Variants in LRRTM4 observed in about 807,000 individuals in gnomAD.
LRRTM4 encodes leucine-rich repeat transmembrane neuronal protein 4.
LRRTM4 carries 25 observed loss-of-function variants against 47.6 expected under a neutral mutation model. The ratio of observed to expected loss-of-function variants is 0.53; its 90% CI spans 0.38 to 0.73. The LOEUF is 0.73. Ranked by LOEUF, LRRTM4 falls within the 30% of genes least tolerant of loss-of-function variation. LRRTM4 has a pLI of 0.00. For synonymous variants in LRRTM4, 311 were observed against 269.5 expected (o/e 1.15, Z -1.51); for missense variants, 638 against 713.4 (o/e 0.89, Z 1.20).
chr2:76,905,332 C>A (rs1040208875), intron 3 of LRRTM4, among the ~76,000 whole-genome samples: 1 of 152,114 alleles, frequency 6.6e-6, no homozygotes, highest in Non-Finnish European at 1.5e-5. Flanking sequence ...AGGACATCCA[C>A]ACCAAAATCC....
chr2:77,102,262 C>G (rs1670974466), intron 3 of LRRTM4, among the ~76,000 whole-genome samples: 1 of 152,214 alleles, frequency 6.6e-6, no homozygotes, highest in Admixed American at 6.5e-5. Flanking sequence ...CCACAGAAGT[C>G]TAAGCACCTC....
intron 3 of LRRTM4, among the ~76,000 whole-genome samples, chr2:77,494,363 T>C (rs551062329): frequency 6.6e-6 from 1 of 152,206 alleles, no homozygotes; most frequent in Admixed American, 6.6e-5. Context: ...ACCAACTCAT[T>C]GTGATGTTGC....
intron 3 of LRRTM4, among the ~76,000 whole-genome samples, chr2:76,888,567 T>C (rs1673151875): frequency 2.0e-5 from 3 of 151,732 alleles, no homozygotes; most frequent in Non-Finnish European, 1.5e-5. Context: ...CTAAACTTAC[T>C]TCAAGTAAAA....
At chr2:77,095,936 G>A (rs562044098) in intron 3 of LRRTM4, among the ~76,000 whole-genome samples, 23 of 152,280 alleles carry the variant, frequency 1.5e-4, no homozygotes, top group African/African-American at 5.5e-4. Flanking sequence ...ATAGGAATAA[G>A]TTTTATTAAT....
chr2:77,509,174 G>T (rs1442846979), intron 3 of LRRTM4, among the ~76,000 whole-genome samples: 2 of 150,598 alleles, frequency 1.3e-5, no homozygotes, highest in Non-Finnish European at 3.0e-5. Flanking sequence ...GGAGGTTGCA[G>T]TGAGCTGAGA....
chr2:77,166,501 A>T (rs1194388817), intron 3 of LRRTM4, among the ~76,000 whole-genome samples: 1 of 152,220 alleles, frequency 6.6e-6, no homozygotes, highest in East Asian at 1.9e-4. Context: ...TTGCCAAGAC[A>T]ATACTAAGCC....
intron 3 of LRRTM4, among the ~76,000 whole-genome samples, chr2:77,300,109 C>T (rs1460112068): frequency 1.3e-5 from 2 of 152,172 alleles, no homozygotes; most frequent in East Asian, 1.9e-4. Flanking sequence ...CTCGGCCTCC[C>T]AAAGTGCTGA....
chr2:77,283,149 C>A (rs929912549), intron 3 of LRRTM4, among the ~76,000 whole-genome samples: 8 of 151,882 alleles, frequency 5.3e-5, no homozygotes, highest in Non-Finnish European at 1.2e-4. Flanking sequence ...TCAAATAACC[C>A]CATTAAAAAT....
intron 3 of LRRTM4, among the ~76,000 whole-genome samples, chr2:77,472,945 C>G (rs1677248303): frequency 6.6e-6 from 1 of 152,126 alleles, no homozygotes; most frequent in South Asian, 2.1e-4. Flanking sequence ...AATCTCATAT[C>G]ACTTGTTATT....
intron 3 of LRRTM4, among the ~76,000 whole-genome samples, chr2:76,779,828 C>G (rs370607475): frequency 2.6e-5 from 4 of 152,002 alleles, no homozygotes; most frequent in Admixed American, 6.6e-5. Context: ...TTATTTTGCT[C>G]GTTAGTTGAT....
intron 3 of LRRTM4, among the ~76,000 whole-genome samples, chr2:76,844,325 C>A (rs557377762): frequency 6.6e-6 from 1 of 150,690 alleles, no homozygotes; most frequent in African/African-American, 2.4e-5. Context: ...TTGGTAGAGA[C>A]GAGGTTTCAC....
intron 3 of LRRTM4, among the ~76,000 whole-genome samples, chr2:77,140,495 C>A (rs1324475918): frequency 4.6e-5 from 7 of 152,090 alleles, no homozygotes; most frequent in Admixed American, 3.9e-4. Context: ...TAAAGACTTA[C>A]ATGTTACACC....
intron 3 of LRRTM4, among the ~76,000 whole-genome samples, chr2:76,944,343 G>A (rs1364360373): frequency 6.6e-6 from 1 of 151,938 alleles, no homozygotes; most frequent in Non-Finnish European, 1.5e-5. Context: ...GGCTCTCATG[G>A]TACTGTACTT....
At position 77,369,336 on chromosome 2, in the gene LRRTM4, T is replaced by TA. The variant is rs796443003; in HGVS notation, c.1551+148981dup. Among the ~76,000 whole-genome samples the TA allele has an allele frequency of 4.9e-3, 723 of 147,948 alleles. 6 individuals are homozygous for TA. The highest frequency in any genetic ancestry group is 0.014 in the East Asian group (71 of 5,036). ...TTTGCTTTTGTAGCCCATGGGATCT[T>TA]AAAAAAAAAACTGTCAAATAAGAAT... On this transcript the variant is annotated intron_variant, in intron 3 of 3. Coordinates refer to ENST00000409884, the MANE Select transcript of LRRTM4 (RefSeq NM_001134745.3).
chr2:76,958,278 A>G (rs1675741194), intron 3 of LRRTM4, among the ~76,000 whole-genome samples: 1 of 151,782 alleles, frequency 6.6e-6, no homozygotes, highest in African/African-American at 2.4e-5. Context: ...ACAATAAAAA[A>G]CTATGACAGA....
At chr2:76,843,843 A>G (rs11888083) in intron 3 of LRRTM4, among the ~76,000 whole-genome samples, 26 of 151,784 alleles carry the variant, frequency 1.7e-4, no homozygotes, top group African/African-American at 5.3e-4. Flanking sequence ...AACAACATCA[A>G]TACTAGGCCT....
intron 3 of LRRTM4, among the ~76,000 whole-genome samples, chr2:76,940,157 G>A (rs938243486): frequency 6.6e-6 from 1 of 152,014 alleles, no homozygotes; most frequent in East Asian, 1.9e-4. Flanking sequence ...CTAAAGCTAT[G>A]TAAGTAATTC....
chr2:77,156,200 G>A (rs973141606), intron 3 of LRRTM4, among the ~76,000 whole-genome samples: 10 of 150,996 alleles, frequency 6.6e-5, no homozygotes, highest in Admixed American at 6.0e-4. Flanking sequence ...AAAACTCTAA[G>A]AGAGAGTATA....
chr2:77,214,111 A>C (rs1674371251), intron 3 of LRRTM4, among the ~76,000 whole-genome samples: 1 of 152,162 alleles, frequency 6.6e-6, no homozygotes, highest in Non-Finnish European at 1.5e-5. Flanking sequence ...GGCAATAAAG[A>C]ATTCATTCCA....
Sources: allele counts gnomAD v4.1 joint callset (sites outside exome capture counted in the v4.1 genomes callset), GRCh38; gene constraint gnomAD v4.1.1; transcripts MANE v1.5; gene names NCBI Gene and HGNC (gene_info 2026-07-23, HGNC 2026-07-21).